NCALD: variants seen among roughly 807,000 people sequenced by gnomAD.
NCALD encodes neurocalcin-delta.
A neutral mutation model predicts 18.6 loss-of-function variants in NCALD; 10 were observed. The ratio of observed to expected loss-of-function variants is 0.54; its 90% confidence interval spans 0.33 to 0.91. The LOEUF is 0.91. Ranked by LOEUF, NCALD falls within the 40% of genes least tolerant of loss-of-function variation. The probability of loss-of-function intolerance (pLI) is 0.03; values close to 1 mark genes in which losing one functional copy is unlikely to be tolerated. For synonymous variants in NCALD, 88 were observed against 87.4 expected, an observed-to-expected ratio of 1.01 and a Z score of -0.04; for missense variants, 184 against 247.6, an observed-to-expected ratio of 0.74 and a Z score of 1.72.
At chr8:102,112,381 A>G (rs1825667954) in intron 1 of NCALD, among the ~76,000 whole-genome samples, 1 of 152,196 alleles carries the variant, frequency 6.6e-6, no homozygotes, top group South Asian at 2.1e-4. Context: ...CAGCTCCAGA[A>G]GGGATGTGCT....
intron 1 of NCALD, among the ~76,000 whole-genome samples, chr8:102,026,592 C>T (rs1433402509): frequency 6.6e-6 from 1 of 152,192 alleles, no homozygotes; most frequent in Non-Finnish European, 1.5e-5. Context: ...CAGGGTACAG[C>T]CACCCTGTCA....
intron 1 of NCALD, among the ~76,000 whole-genome samples, chr8:102,105,864 C>T (rs891959806): frequency 6.6e-6 from 1 of 152,114 alleles, no homozygotes; most frequent in African/African-American, 2.4e-5. Flanking sequence ...TATGCCTGCT[C>T]CTCCATAGTA....
At chr8:101,804,483 AATAT>A (rs1303022853) in intron 4 of NCALD, among the ~76,000 whole-genome samples, 1 of 122,208 alleles carries the variant, frequency 8.2e-6, no homozygotes, top group Admixed American at 8.4e-5. Flanking sequence ...ATTATTATAT[AATAT>A]ATAATTAATA....
intron 1 of NCALD, among the ~76,000 whole-genome samples, chr8:102,081,715 A>G (rs1824545302): frequency 6.6e-6 from 1 of 152,152 alleles, no homozygotes; most frequent in Non-Finnish European, 1.5e-5. Flanking sequence ...CTTTCGTCAT[A>G]AAAAGAAACA....
intron 3 of NCALD, among the ~76,000 whole-genome samples, chr8:101,894,379 T>G (rs1817055016): frequency 8.1e-6 from 1 of 123,974 alleles, no homozygotes; most frequent in African/African-American, 3.7e-5. Flanking sequence ...AGAGGGAAAT[T>G]TATAGCACTA....
At chr8:102,040,465 A>C (rs6468811) in intron 1 of NCALD, among the ~76,000 whole-genome samples, 46,416 of 133,240 alleles carry the variant, frequency 0.35, 7,722 homozygotes, top group African/African-American at 0.41. Context: ...TAGAGTGAGA[A>C]TCCATCAAAA....
intron 1 of NCALD, among the ~76,000 whole-genome samples, chr8:102,070,976 T>G (rs1824163956): frequency 6.6e-6 from 1 of 152,162 alleles, no homozygotes; most frequent in African/African-American, 2.4e-5. Flanking sequence ...TTCCCAGGCT[T>G]CACTCCAGCA....
chr8:102,024,306 A>G (rs1429247637), intron 1 of NCALD, among the ~76,000 whole-genome samples: 1 of 152,232 alleles, frequency 6.6e-6, no homozygotes, highest in African/African-American at 2.4e-5. Flanking sequence ...CAGTTGTAAA[A>G]TGCAAGTACT....
At chr8:101,943,327 A>G (rs1357374265) in intron 2 of NCALD, among the ~76,000 whole-genome samples, 1 of 152,210 alleles carries the variant, frequency 6.6e-6, no homozygotes, top group Non-Finnish European at 1.5e-5. Context: ...AACTTTTAGC[A>G]TAATCTAAAA....
At chr8:102,008,916 C>CCACACACACA (rs1821804749) in intron 2 of NCALD, among the ~76,000 whole-genome samples, 6 of 21,178 alleles carry the variant, frequency 2.8e-4, no homozygotes, top group South Asian at 1.7e-3. Flanking sequence ...CCCCGCCCCC[C>CCACACACACA]TACACACACA....
At chr8:101,943,733 G>A (rs1819048443) in intron 2 of NCALD, among the ~76,000 whole-genome samples, 1 of 152,172 alleles carries the variant, frequency 6.6e-6, no homozygotes, top group Non-Finnish European at 1.5e-5. Context: ...AAGGTCAGGA[G>A]ATCGAGACCA....
chr8:101,800,338 T>A (rs1357619440), intron 4 of NCALD, among the ~76,000 whole-genome samples: 1 of 151,216 alleles, frequency 6.6e-6, no homozygotes, highest in Non-Finnish European at 1.5e-5. Context: ...TTAGGTACAA[T>A]GTAATCCTTG....
At chr8:101,869,423 AG>A (rs1815912698) in intron 4 of NCALD, among the ~76,000 whole-genome samples, 1 of 152,222 alleles carries the variant, frequency 6.6e-6, no homozygotes, top group South Asian at 2.1e-4. Context: ...TTCTCCCCAT[AG>A]GGCATCCAGA....
At chr8:101,784,483 T>C (rs1812142667) in intron 1 of NCALD, among the ~76,000 whole-genome samples, 2 of 152,132 alleles carry the variant, frequency 1.3e-5, no homozygotes, top group East Asian at 3.8e-4. Context: ...CTTCACCTCC[T>C]GATGGAGAGG....
At chr8:101,875,946 T>C (rs1816210751) in intron 4 of NCALD, among the ~76,000 whole-genome samples, 1 of 152,234 alleles carries the variant, frequency 6.6e-6, no homozygotes, top group Admixed American at 6.5e-5. Flanking sequence ...TCTTTCTCTA[T>C]TGTTTTTATG....
intron 1 of NCALD, among the ~76,000 whole-genome samples, chr8:101,774,354 C>G (rs562462352): frequency 6.6e-6 from 1 of 152,232 alleles, no homozygotes; most frequent in Admixed American, 6.5e-5. Flanking sequence ...AATAACTGAA[C>G]AAAGTATTCT....
At chr8:102,116,448 A>C (rs1056438936) in intron 1 of NCALD, among the ~76,000 whole-genome samples, 1 of 152,056 alleles carries the variant, frequency 6.6e-6, no homozygotes, top group African/African-American at 2.4e-5. Context: ...AGTATGTCCA[A>C]GTGTCCAAGA....
chr8:101,881,923 T>C (rs1816506962), intron 4 of NCALD, among the ~76,000 whole-genome samples: 1 of 152,176 alleles, frequency 6.6e-6, no homozygotes, highest in Non-Finnish European at 1.5e-5. Context: ...ACAACTACAA[T>C]ACAAGGCTAA....
intron 2 of NCALD, among the ~76,000 whole-genome samples, chr8:101,716,974 C>T (rs535329460): frequency 1.6e-4 from 24 of 152,342 alleles, no homozygotes; most frequent in Middle Eastern, 3.4e-3. Flanking sequence ...TTCTCCCCAA[C>T]AGCCTCCAGA....
Sources: gnomAD v4.1 joint callset for allele counts (sites outside exome capture counted in the v4.1 genomes callset) on GRCh38, gnomAD v4.1.1 for gene constraint, MANE v1.5 for transcripts, NCBI Gene and HGNC (gene_info 2026-07-23, HGNC 2026-07-21) for gene names.